Variants in AGPAT3 observed in about 807,000 individuals in gnomAD.
AGPAT3 encodes the protein 1-acyl-sn-glycerol-3-phosphate acyltransferase gamma.
In AGPAT3, 5 loss-of-function variants were observed where a neutral mutation model predicts 47.3. The observed-to-expected ratio is 0.11, with a 90% CI of 0.06 to 0.22. The LOEUF is 0.22. AGPAT3 is among the 10% of genes least tolerant of loss of function. The probability of loss-of-function intolerance (pLI) is 1.00; values close to 1 mark genes in which losing one functional copy is unlikely to be tolerated. For synonymous variants in AGPAT3, 212 were observed against 208.3 expected, an observed-to-expected ratio of 1.02 and a Z score of -0.15; for missense variants, 315 against 493.0, an observed-to-expected ratio of 0.64 and a Z score of 3.42.
chr21:43,970,781 C>A lies in AGPAT3; in HGVS notation c.639C>A (p.Thr213=). ...HLLPRTKGFT[T]AVKCLRGTVA... ...TGCCGCGGACCAAGGGCTTCACCAC[C>A]GCAGTCAAGTGCCTCCGGGGGACAG... The change falls in exon 6 of 10, where the codon ACC becomes ACA. Residue 213 remains threonine (T), a synonymous_variant. Coordinates refer to ENST00000291572, the MANE Select transcript of AGPAT3 (RefSeq NM_020132.5). This position sits in a 1 kb window ranked among gnomAD's most constrained non-coding sequence, Gnocchi z 5.8. 6.3e-7 allele frequency: 1 copy of A among 1,594,760 alleles called. No homozygotes were observed. Among genetic ancestry groups the A allele is most frequent in the South Asian group, 1.1e-5 (1 of 89,856 alleles).
At chr21:43,881,150 A>G (rs564595481) in intron 1 of AGPAT3, among the ~76,000 whole-genome samples, 42 of 152,360 alleles carry the variant, frequency 2.8e-4, no homozygotes, top group African/African-American at 9.6e-4. Flanking sequence ...GAAGAAAAAG[A>G]AAACTGAAAG....
rs79869793 is a variant in AGPAT3, at chr21:43,918,390, C to T, written c.-49+14371C>T. Among the ~76,000 whole-genome samples, 1,340 of 152,016 alleles carry T rather than the reference C, an allele frequency of 8.8e-3. 25 individuals are homozygous for T. Among genetic ancestry groups the T allele is most frequent in the African/African-American group, 0.03 (1,260 of 41,404 alleles). On this transcript the variant is annotated intron_variant, in intron 2 of 9. Coordinates refer to ENST00000291572, the MANE Select transcript of AGPAT3 (RefSeq NM_020132.5). The stretch of plus-strand genomic sequence containing the variant: ...ACATGGTTAGGTGAGCTTGCCCCAT[C>T]GGCAGTGTCCAGTGAATGGAAGGGA...
chr21:43,875,694 G>A (rs1323867907), intron 1 of AGPAT3, among the ~76,000 whole-genome samples: 1 of 152,114 alleles, frequency 6.6e-6, no homozygotes, highest in Non-Finnish European at 1.5e-5. Context: ...TGCAACCTCC[G>A]CCTCTTGGGT....
chr21:43,938,154 T>C (rs1305933074), intron 2 of AGPAT3, among the ~76,000 whole-genome samples: 3 of 151,402 alleles, frequency 2.0e-5, no homozygotes, highest in East Asian at 3.9e-4. Flanking sequence ...ACACTCACTG[T>C]TGGGTTTCTT....
rs1472923815 is a variant in AGPAT3 at position 43,955,214 on chromosome 21, G to A, written c.-48-4420G>A. The A allele has an allele frequency of 4.8e-6, 6 of 1,240,986 alleles. No homozygotes were observed. The South Asian group carries it at 7.9e-5, about 16-fold the overall frequency. 76.9% of individuals were successfully genotyped at this position (1,240,986 alleles called of 1,614,324 possible). On this transcript the variant is annotated intron_variant, in intron 2 of 9. Transcript: ENST00000291572. The surrounding 1 kb of genome is among the most constrained non-coding windows in gnomAD (Gnocchi z 4.1). ...GGACCGGCTGGGCCAGATGCCATGG[G>A]ATTCTGTGTTTGTGAACCTCTAGAA...
rs796183117 is a variant in AGPAT3 at position 43,870,550 on chromosome 21, TA to T, written c.-112+5220del. Among the ~76,000 whole-genome samples the T allele has an allele frequency of 1.7e-3, 247 of 141,484 alleles. 1 individual carries two copies. The highest frequency in any genetic ancestry group is 9.0e-3 in the South Asian group (40 of 4,446). The allele number at this position is 141,484 out of a possible 152,430, so 92.8% of individuals were successfully genotyped here. On this transcript the variant is annotated intron_variant, in intron 1 of 9. Coordinates refer to ENST00000291572, the MANE Select transcript of AGPAT3 (RefSeq NM_020132.5). ...AACATGATGAAACCCCATCTCTACT[TA>T]AAAAAAAAAAAAAACCCAAAAATTA...
At chr21:43,978,544 A>G (rs1270057951) in intron 8 of AGPAT3, among the ~76,000 whole-genome samples, 2 of 152,238 alleles carry the variant, frequency 1.3e-5, no homozygotes, top group East Asian at 3.8e-4. Flanking sequence ...CCTGGGCTCA[A>G]GCAATCTTCT....
At chr21:43,889,736 A>G (rs762589774) in intron 1 of AGPAT3, among the ~76,000 whole-genome samples, 3 of 152,222 alleles carry the variant, frequency 2.0e-5, no homozygotes, top group Non-Finnish European at 4.4e-5. Flanking sequence ...GTGCAATAGC[A>G]TTGTGTCTAA....
chr21:43,980,645 C>A (rs1030948085), intron 8 of AGPAT3, among the ~76,000 whole-genome samples: 1 of 152,268 alleles, frequency 6.6e-6, no homozygotes, highest in Admixed American at 6.5e-5. Context: ...ACCCCCACTG[C>A]CTCTGGCTCG....
rs549503219 is a variant in AGPAT3, at chr21:43,952,059, G to A, written c.-48-7575G>A. ...AGGACCTGGGGCAGGCAGGGGGTGG[G>A]CTGGATGGCGGAACACGGGGATGGG... On this transcript the variant is annotated intron_variant, in intron 2 of 9. Transcript: ENST00000291572. This position sits in a 1 kb window ranked among gnomAD's most constrained non-coding sequence, Gnocchi z 5.6. Among the ~76,000 whole-genome samples, 15 of 152,234 alleles carry A rather than the reference G, an allele frequency of 9.9e-5. No individual in the cohort carries two copies. In the East Asian group the frequency reaches 2.9e-3, roughly 29 times the overall value.
In AGPAT3 at chr21:43,926,637, T is replaced by C. The variant is rs1011214440; in HGVS notation, c.-49+22618T>C. On this transcript the variant is annotated intron_variant, in intron 2 of 9. Coordinates refer to ENST00000291572, the MANE Select transcript of AGPAT3 (RefSeq NM_020132.5). ...GTAGCTTCCGTGAGCTACGCTGGCC[T>C]TTTTTTTTTTTTTTTTTTTTTTTTT... Among the ~76,000 whole-genome samples the C allele has an allele frequency of 5.3e-4, 3 of 5,712 alleles. No homozygotes were observed. The South Asian group carries it at 0.029, about 55-fold the overall frequency. The allele number at this position is 5,712 out of a possible 152,430, so 3.7% of individuals were successfully genotyped here. A position where few individuals can be genotyped will look rare whatever the true frequency, so the allele number is the denominator to read the frequency against.
Position 43,885,072 on chromosome 21 carries a change from C to T in AGPAT3, c.-111-18885C>T, listed in dbSNP as rs1272731001. 2.0e-5 allele frequency among the ~76,000 whole-genome samples: 3 copies of T among 152,258 alleles called. No homozygotes were observed. The East Asian group carries it at 5.8e-4, about 29-fold the overall frequency. On this transcript the variant is annotated intron_variant, in intron 1 of 9. Transcript: ENST00000291572. Reference sequence around the variant, plus strand: ...CAATGCAGTGACGTGCGGTGCTGAGCAAGGCCGGGAACCTGGCCCCTGACC... The same window carrying T: ...CAATGCAGTGACGTGCGGTGCTGAGTAAGGCCGGGAACCTGGCCCCTGACC...
rs138843675 is a variant in AGPAT3, at chr21:43,934,742, G to A, written c.-48-24892G>A. Among the ~76,000 whole-genome samples the A allele has an allele frequency of 2.8e-3, 427 of 152,134 alleles. 5 individuals are homozygous for A. The highest frequency in any genetic ancestry group is 0.023 in the Admixed American group (353 of 15,282). ...GGAGCCACAGCACAAAGCAAGCCACGCCATGCCACCCACGTGCTGCCATAT... is the reference window on the plus strand; with the variant it reads ...GGAGCCACAGCACAAAGCAAGCCACACCATGCCACCCACGTGCTGCCATAT... On this transcript the variant is annotated intron_variant, in intron 2 of 9. Transcript: ENST00000291572. The surrounding 1 kb of genome is among the most constrained non-coding windows in gnomAD (Gnocchi z 4.7).
In AGPAT3 at chr21:43,981,169, T is replaced by C. The variant is rs2089836461; in HGVS notation, c.1024T>C (p.Leu342=). 8 of 1,614,066 alleles carry C rather than the reference T, an allele frequency of 5.0e-6. No homozygotes were observed. The highest frequency in any genetic ancestry group is 6.8e-6 in the Non-Finnish European group (8 of 1,180,042). ...SGSPLLILTF[L]GFVGAASFGV... ...ATCACCTCTCCTGATCCTGACTTTC[T>C]TGGGGTTTGTGGGAGCAGGTAATGG... The change falls in exon 9 of 10, where the codon TTG becomes CTG. Residue 342 remains leucine (L), a synonymous_variant. Coordinates refer to ENST00000291572, the MANE Select transcript of AGPAT3 (RefSeq NM_020132.5). The surrounding 1 kb of genome is among the most constrained non-coding windows in gnomAD (Gnocchi z 5.3).
rs779351025 is a variant in AGPAT3 at position 43,959,785 on chromosome 21, C to T, written c.104C>T (p.Thr35Met). The T allele has an allele frequency of 1.4e-5, 23 of 1,613,588 alleles. No individual in the cohort carries two copies. Among genetic ancestry groups the T allele is most frequent in the East Asian group, 2.2e-5 (1 of 44,882 alleles). Residue 35 changes from threonine to methionine, a missense_variant, in exon 3 of 10, where the codon ACG (threonine) becomes ATG (methionine). Physicochemically the swap from Thr to Met is moderately conservative, Grantham distance 81. Transcript: ENST00000291572. ...GTCATCAACTTCGTCCAGCTGTGCA[C>T]GCTGGCGCTCTGGCCGGTCAGCAAG... ...GLVINFVQLC[T>M]LALWPVSKQL... is the part of the protein sequence containing the mutation.
chr21:43,916,666 C>T (rs759961358), intron 2 of AGPAT3, among the ~76,000 whole-genome samples: 2 of 151,308 alleles, frequency 1.3e-5, no homozygotes, highest in African/African-American at 2.4e-5. Context: ...TAAGCCAGTG[C>T]GAATGTTGTC....
chr21:43,971,300 G>T (rs539803324), intron 6 of AGPAT3, 88 bp from the exon 7 acceptor site: 35 of 1,169,624 alleles, frequency 3.0e-5, no homozygotes, highest in Non-Finnish European at 2.5e-5. Context: ...GGACGGGGCC[G>T]GGTCCCAGGT....
chr21:43,933,007 C>T lies in AGPAT3; in HGVS notation c.-48-26627C>T, dbSNP rs2087305652. 6.6e-6 allele frequency among the ~76,000 whole-genome samples: 1 copy of T among 152,200 alleles called. No homozygotes were observed. The highest frequency in any genetic ancestry group is 1.5e-5 in the Non-Finnish European group (1 of 68,040). On this transcript the variant is annotated intron_variant, in intron 2 of 9. Coordinates refer to ENST00000291572, the MANE Select transcript of AGPAT3 (RefSeq NM_020132.5). The surrounding 1 kb of genome is among the most constrained non-coding windows in gnomAD (Gnocchi z 6.0). ...CCAGATGGTTTGTGTAGTGGCCACA[C>T]TGATTGACGCTCTCTCTCCCTCACA...
At chr21:43,957,848 G>A (rs923719546) in intron 2 of AGPAT3, among the ~76,000 whole-genome samples, 4 of 151,670 alleles carry the variant, frequency 2.6e-5, no homozygotes, top group African/African-American at 7.3e-5. Flanking sequence ...CACGGGGGTT[G>A]TAGGGCCGCT....
Sources: gnomAD v4.1 joint callset for allele counts (sites outside exome capture counted in the v4.1 genomes callset) on GRCh38, gnomAD v4.1.1 for gene constraint, Gnocchi (gnomAD v3.1) non-coding constraint, MANE v1.5 for transcripts, NCBI Gene and HGNC (gene_info 2026-07-23, HGNC 2026-07-21) for gene names.